The following CD2AP variants were observed in gnomAD, a reference collection of about 807,000 sequenced individuals.
CD2AP encodes CD2 associated protein, also known as CD2-associated protein.
Under a neutral mutation model 85.1 loss-of-function variants are expected in CD2AP, and 46 were observed. That is an observed-to-expected ratio of 0.54 (90% CI 0.43 to 0.69). The LOEUF (loss-of-function observed/expected upper bound fraction) is 0.69. CD2AP is among the 30% of genes least tolerant of loss of function. The pLI is 0.00. For synonymous variants in CD2AP, 255 were observed against 252.9 expected (o/e 1.01, Z -0.08); for missense variants, 769 against 729.5 (o/e 1.05, Z -0.62).
Position 47,571,024 on chromosome 6 carries a change from C to T in CD2AP, c.542-3040C>T, listed in dbSNP as rs528525965. On this transcript the variant is annotated intron_variant, in intron 5 of 17. Coordinates refer to ENST00000359314, the MANE Select transcript of CD2AP (RefSeq NM_012120.3). ...ACTAAATCCAAACCCCCTTCCCTGC[C>T]TTTTTTTTTGTTTTATGGCCTTAAT... 3.9e-4 allele frequency among the ~76,000 whole-genome samples: 59 copies of T among 150,928 alleles called. No individual in the cohort carries two copies. In the South Asian group the frequency reaches 0.012, roughly 30 times the overall value.
chr6:47,593,617 C>T (rs1376699630), intron 11 of CD2AP, among the ~76,000 whole-genome samples: 2 of 151,954 alleles, frequency 1.3e-5, no homozygotes, highest in Non-Finnish European at 2.9e-5. Context: ...TTCACACCCA[C>T]TGAGATGGTT....
At chr6:47,564,405 A>C (rs1767939253) in intron 5 of CD2AP, among the ~76,000 whole-genome samples, 1 of 152,184 alleles carries the variant, frequency 6.6e-6, no homozygotes, top group South Asian at 2.1e-4. Context: ...CCAGCACAAG[A>C]GATCTAATTT....
intron 13 of CD2AP, among the ~76,000 whole-genome samples, chr6:47,600,577 A>G (rs946713447): frequency 6.6e-6 from 1 of 151,832 alleles, no homozygotes; most frequent in Non-Finnish European, 1.5e-5. Flanking sequence ...GGATGAAGCT[A>G]TATTTACTAC....
At chr6:47,525,262 T>C (rs1478636244) in intron 2 of CD2AP, among the ~76,000 whole-genome samples, 1 of 152,132 alleles carries the variant, frequency 6.6e-6, no homozygotes, top group Non-Finnish European at 1.5e-5. Flanking sequence ...CACTTTTTCA[T>C]ATTGTCTGAT....
At chr6:47,514,274 GA>G (rs1766395818) in intron 2 of CD2AP, among the ~76,000 whole-genome samples, 1 of 151,964 alleles carries the variant, frequency 6.6e-6, no homozygotes, top group Non-Finnish European at 1.5e-5. Flanking sequence ...CTACTTCATT[GA>G]TCTTTTTTAA....
intron 1 of CD2AP, among the ~76,000 whole-genome samples, chr6:47,497,128 A>G (rs1027945738): frequency 6.8e-6 from 1 of 148,018 alleles, no homozygotes; most frequent in Non-Finnish European, 1.5e-5. Context: ...TTACTTTCAC[A>G]TTATTATGAC....
intron 13 of CD2AP, 55 bp downstream of exon 13, chr6:47,599,498 C>T: frequency 6.8e-7 from 1 of 1,465,308 alleles, no homozygotes; most frequent in Non-Finnish European, 9.5e-7. Context: ...GTCAAAGAAA[C>T]TCTTTAAGAG....
intron 5 of CD2AP, among the ~76,000 whole-genome samples, chr6:47,555,351 T>G (rs1255836152): frequency 2.0e-5 from 3 of 151,854 alleles, no homozygotes; most frequent in African/African-American, 7.2e-5. Flanking sequence ...ATTAGGAGAG[T>G]TTTTTTTGTT....
At chr6:47,597,483 G>C (rs1399779925) in intron 12 of CD2AP, among the ~76,000 whole-genome samples, 1 of 150,912 alleles carries the variant, frequency 6.6e-6, no homozygotes, top group Non-Finnish European at 1.5e-5. Context: ...CCAGGTGAGT[G>C]AGAAGGTGGA....
chr6:47,481,388 C>T (rs1175186543), intron 1 of CD2AP, among the ~76,000 whole-genome samples: 2 of 152,030 alleles, frequency 1.3e-5, no homozygotes, highest in African/African-American at 4.8e-5. Context: ...CTCTGTTGCC[C>T]AAGCTGGAGT....
At chr6:47,516,298 G>T (rs1766451431) in intron 2 of CD2AP, among the ~76,000 whole-genome samples, 1 of 152,180 alleles carries the variant, frequency 6.6e-6, no homozygotes, top group Admixed American at 6.5e-5. Context: ...TTGTCAATTT[G>T]TGCTTTTGTA....
At chr6:47,562,987 A>G (rs1439352168) in intron 5 of CD2AP, 5 of 428,280 alleles carry the variant, frequency 1.2e-5, no homozygotes, top group Non-Finnish European at 2.1e-5. Context: ...TACGCCCAGT[A>G]TGTCATCGAA....
chr6:47,570,423 A>T (rs1286576716), intron 5 of CD2AP, among the ~76,000 whole-genome samples: 1 of 152,170 alleles, frequency 6.6e-6, no homozygotes, highest in African/African-American at 2.4e-5. Flanking sequence ...GGTAAAGTAT[A>T]TGGGTATTAA....
At chr6:47,580,978 A>G (rs1040583790) in intron 10 of CD2AP, 78 bp downstream of exon 10, 1 of 992,860 alleles carries the variant, frequency 1.0e-6, no homozygotes. Context: ...GATCTAATGC[A>G]AACTATTGAT....
intron 17 of CD2AP, among the ~76,000 whole-genome samples, chr6:47,622,851 G>C (rs1187860774): frequency 6.6e-6 from 1 of 152,172 alleles, no homozygotes; most frequent in Non-Finnish European, 1.5e-5. Context: ...CTTGCCTCCT[G>C]TCCGCCATGA....
In CD2AP at chr6:47,574,074, G is replaced by A; in HGVS notation, c.552G>A (p.Leu184=). The part of the protein sequence containing the change: ...HEAQDDSETV[L]AGPTSPIPSL... ...AAATTATTGTTTCAGAAACTGTTTT[G>A]GCTGGGCCTACTTCACCTATACCTT... is the stretch of plus-strand genomic sequence containing the variant. Residue 184 remains leucine, a synonymous_variant, in exon 6 of 18, where the codon TTG becomes TTA. Transcript: ENST00000359314. 1 of 1,613,852 alleles carries A rather than the reference G, an allele frequency of 6.2e-7. No individual in the cohort carries two copies.
chr6:47,525,855 G>A (rs1026585672), intron 2 of CD2AP, among the ~76,000 whole-genome samples: 2 of 151,972 alleles, frequency 1.3e-5, no homozygotes, highest in East Asian at 1.9e-4. Flanking sequence ...GGCAAGTTTT[G>A]TATTGACATT....
At chr6:47,554,589 G>A (rs1366123616) in intron 4 of CD2AP, 57 bp from the exon 5 acceptor site, 1 of 1,602,298 alleles carries the variant, frequency 6.2e-7, no homozygotes, top group Admixed American at 1.7e-5. Context: ...TTCCCATAGG[G>A]TGACGATTTT....
At chr6:47,608,879 TTTTC>T (rs1769346357) in intron 15 of CD2AP, among the ~76,000 whole-genome samples, 1 of 152,134 alleles carries the variant, frequency 6.6e-6, no homozygotes, top group Admixed American at 6.5e-5. Flanking sequence ...TTTGATGGAT[TTTTC>T]TTTCTTCCTT....
Sources: gnomAD v4.1 joint callset for allele counts (sites outside exome capture counted in the v4.1 genomes callset) on GRCh38, gnomAD v4.1.1 for gene constraint, MANE v1.5 for transcripts, NCBI Gene and HGNC (gene_info 2026-07-23, HGNC 2026-07-21) for gene names.